NDUFAF7: variants seen among roughly 807,000 people sequenced by gnomAD.
NDUFAF7 encodes the protein protein arginine methyltransferase NDUFAF7, mitochondrial.
Under a neutral mutation model 47.2 loss-of-function variants are expected in NDUFAF7, and 48 were observed. The observed-to-expected ratio is 1.02, with a 90% CI of 0.81 to 1.29. NDUFAF7 has a LOEUF of 1.29. NDUFAF7 is among the 50% of genes most tolerant of loss of function. The pLI, the probability that NDUFAF7 is intolerant of heterozygous loss-of-function variation, is 0.00. For missense variants in NDUFAF7, 635 were observed against 537.6 expected, an observed-to-expected ratio of 1.18 and a Z score of -1.79; for synonymous variants, 217 against 190.0, an observed-to-expected ratio of 1.14 and a Z score of -1.17.
At chr2:37,242,069 T>C in intron 5 of NDUFAF7, 1 of 453,714 alleles carries the variant, frequency 2.2e-6, no homozygotes, top group East Asian at 4.3e-5. Flanking sequence ...GCTAGGGTTG[T>C]ACCGATGACG....
the NDUFAF7 span, among the ~76,000 whole-genome samples, chr2:37,261,057 T>TTTA: frequency 6.6e-6 from 1 of 152,250 alleles, no homozygotes; most frequent in South Asian, 2.1e-4. Context: ...TCAGTGGCTC[T>TTTA]TTATTTCTGG....
chr2:37,270,755 T>G, the NDUFAF7 span, among the ~76,000 whole-genome samples: 1 of 152,338 alleles, frequency 6.6e-6, no homozygotes, highest in South Asian at 2.1e-4. Flanking sequence ...CCTCCCCACT[T>G]TAATCTTTTT....
chr2:37,243,857 G>C lies in NDUFAF7; in HGVS notation c.682-6G>C, dbSNP rs190043357. Reference sequence around the variant, plus strand: ...AATTTGTTTTTATGTGTTATTTTGTGTTTAGAAAACACCACAGGGATGGCG... The same window carrying C: ...AATTTGTTTTTATGTGTTATTTTGTCTTTAGAAAACACCACAGGGATGGCG... On this transcript the variant is annotated splice_polypyrimidine_tract_variant and splice_region_variant and intron_variant, in intron 6 of 9. Coordinates refer to ENST00000002125, the MANE Select transcript of NDUFAF7 (RefSeq NM_144736.5). The C allele has an allele frequency of 4.3e-6, 7 of 1,612,980 alleles. No homozygotes were observed. In the East Asian group the frequency reaches 1.3e-4, roughly 31 times the overall value.
chr2:37,268,275 C>T, the NDUFAF7 span: 6 of 469,274 alleles, frequency 1.3e-5, no homozygotes, highest in Middle Eastern at 6.5e-4. Context: ...CAAATGTGTG[C>T]ATTTTTGGTA....
chr2:37,245,317 C>G (rs1398261165), intron 7 of NDUFAF7, among the ~76,000 whole-genome samples: 1 of 152,156 alleles, frequency 6.6e-6, no homozygotes, highest in African/African-American at 2.4e-5. Context: ...TGTATGTTTT[C>G]ATAATGAAGG....
At chr2:37,256,353 G>GT (rs71398222), downstream of NDUFAF7, among the ~76,000 whole-genome samples, 3,826 of 152,310 alleles carry the variant, frequency 0.025, 75 homozygotes, top group Non-Finnish European at 0.04. Flanking sequence ...AGATTTGGCA[G>GT]TAGTGACTAG....
chr2:37,248,369 T>C lies in NDUFAF7; in HGVS notation c.*19T>C, dbSNP rs760463975. The stretch of plus-strand genomic sequence containing the variant: ...GCAGTGATATTTCAGCTTGGACATT[T>C]TACCCTTCAGTCGGCCCAAGAAATC... On this transcript the variant is annotated 3_prime_UTR_variant, in exon 10 of 10. Coordinates refer to ENST00000002125, the MANE Select transcript of NDUFAF7 (RefSeq NM_144736.5). 1 of 1,602,540 alleles carries C rather than the reference T, an allele frequency of 6.2e-7. No homozygotes were observed. Among genetic ancestry groups the C allele is most frequent in the African/African-American group, 1.3e-5 (1 of 74,608 alleles).
At chr2:37,236,794 G>A (rs76448453) in intron 3 of NDUFAF7, among the ~76,000 whole-genome samples, 2 of 148,168 alleles carry the variant, frequency 1.3e-5, no homozygotes, top group Non-Finnish European at 3.0e-5. Flanking sequence ...AAAAAAAAAA[G>A]AGAATGGAAG....
At chr2:37,231,946 G>C (rs1250817964) in intron 1 of NDUFAF7, 160 bp from the exon 2 acceptor site, 15 of 1,597,134 alleles carry the variant, frequency 9.4e-6, no homozygotes, top group South Asian at 3.3e-5. Flanking sequence ...GCAAGTGGGT[G>C]CTGTCTCTGC....
chr2:37,249,562 C>CACACACACAT (rs1448912708), downstream of NDUFAF7, among the ~76,000 whole-genome samples: 3 of 28,092 alleles, frequency 1.1e-4, no homozygotes, highest in East Asian at 0.015. Context: ...GTGATAGACA[C>CACACACACAT]ACACACACAC....
intron 7 of NDUFAF7, 40 bp from the exon 8 acceptor site, chr2:37,246,012 G>C: frequency 6.2e-7 from 1 of 1,609,394 alleles, no homozygotes; most frequent in Non-Finnish European, 8.5e-7. Context: ...TCATTCTTTT[G>C]AATGATGCAT....
At chr2:37,259,643 A>G in the NDUFAF7 span, 1 of 1,613,494 alleles carries the variant, frequency 6.2e-7, no homozygotes, top group South Asian at 1.1e-5. Flanking sequence ...CACAGTGCAC[A>G]ATATTCTTAA....
rs747297771 is a variant in NDUFAF7 at position 37,248,394 on chromosome 2, CAA to C, written c.*47_*48del. 5.0e-5 allele frequency: 77 copies of C among 1,552,520 alleles called. No homozygotes were observed. Among genetic ancestry groups the C allele is most frequent in the Non-Finnish European group, 6.8e-5 (76 of 1,124,596 alleles). ...TTACCCTTCAGTCGGCCCAAGAAAT[CAA>C]AATAAAGGAAACACATTTCATATAC... On this transcript the variant is annotated 3_prime_UTR_variant, in exon 10 of 10. Coordinates refer to ENST00000002125, the MANE Select transcript of NDUFAF7 (RefSeq NM_144736.5).
the NDUFAF7 span, among the ~76,000 whole-genome samples, chr2:37,270,036 T>C: frequency 1.3e-5 from 2 of 152,180 alleles, no homozygotes; most frequent in Non-Finnish European, 2.9e-5. Flanking sequence ...CAGACCAGCC[T>C]GACCAACAAG....
At chr2:37,262,420 G>T in the NDUFAF7 span, among the ~76,000 whole-genome samples, 2 of 152,120 alleles carry the variant, frequency 1.3e-5, no homozygotes, top group Non-Finnish European at 2.9e-5. Context: ...TTTCAAAAAT[G>T]TTTAGAAAGT....
intron 7 of NDUFAF7, 73 bp downstream of exon 7, chr2:37,244,046 T>G (rs1666660799): frequency 8.3e-7 from 1 of 1,203,400 alleles, no homozygotes; most frequent in Non-Finnish European, 1.2e-6. Context: ...GAGTTACTAC[T>G]TTAGAGTTTT....
intron 9 of NDUFAF7, 48 bp from the exon 10 acceptor site, chr2:37,248,087 G>A: frequency 6.9e-7 from 1 of 1,440,662 alleles, no homozygotes; most frequent in Admixed American, 1.8e-5. Context: ...CATGTAACTA[G>A]GAATCCTGTC....
chr2:37,248,066 T>C (rs1188348647), intron 9 of NDUFAF7, 69 bp from the exon 10 acceptor site: 4 of 1,208,582 alleles, frequency 3.3e-6, no homozygotes, highest in Admixed American at 1.9e-5. Flanking sequence ...TGAGAGTCAT[T>C]AGTATTGCTG....
At position 37,248,473 on chromosome 2, in the gene NDUFAF7, A is replaced by G. The variant is rs993344931; in HGVS notation, c.*123A>G. The G allele has an allele frequency of 3.1e-6, 3 of 960,136 alleles. No homozygotes were observed. Among genetic ancestry groups the G allele is most frequent in the African/African-American group, 3.2e-5 (2 of 61,958 alleles). The allele number at this position is 960,136 out of a possible 1,614,324, so 59.5% of individuals were successfully genotyped here. On this transcript the variant is annotated 3_prime_UTR_variant, in exon 10 of 10. Coordinates refer to ENST00000002125, the MANE Select transcript of NDUFAF7 (RefSeq NM_144736.5). ...TATCTTTTCACAGCAAGAACAGTCC[A>G]TGTTGTATATAATACAACCAACATT...
Sources: allele counts gnomAD v4.1 joint callset (sites outside exome capture counted in the v4.1 genomes callset), GRCh38; gene constraint gnomAD v4.1.1; transcripts MANE v1.5; gene names NCBI Gene and HGNC (gene_info 2026-07-23, HGNC 2026-07-21).